The following ABCA12 variants were observed in gnomAD, a reference collection of about 807,000 sequenced individuals.
ABCA12 encodes the protein glucosylceramide transporter ABCA12.
In ABCA12, 156 loss-of-function variants were observed where a neutral mutation model predicts 293.5. That is an observed-to-expected ratio of 0.53 (90% confidence interval 0.47 to 0.61). ABCA12 has a LOEUF of 0.61. Among genes scored for constraint, ABCA12 ranks in the 20% least tolerant of loss-of-function variants. The probability of loss-of-function intolerance (pLI) is 0.00; values close to 1 mark genes in which losing one functional copy is unlikely to be tolerated. For synonymous variants in ABCA12, 1,063 were observed against 1,108.0 expected (o/e 0.96, Z 0.81); for missense variants, 2,797 against 3,090.2 (o/e 0.91, Z 2.25).
chr2:215,134,398 GTGTATATA>G lies in ABCA12; in HGVS notation c.69+3734_69+3741del, dbSNP rs1288732203. On this transcript the variant is annotated intron_variant, in intron 1 of 52. Transcript: ENST00000272895. ...TGTATATATGTACATATATGTATATGTGTATATATGTATATATGTACATATATGTATAT... is the reference window on the plus strand; with the variant it reads ...TGTATATATGTACATATATGTATATGTGTATATATGTACATATATGTATAT... Among the ~76,000 whole-genome samples the G allele has an allele frequency of 2.6e-3, 370 of 143,166 alleles. 6 individuals carry two copies. Among genetic ancestry groups the G allele is most frequent in the African/African-American group, 8.9e-3 (339 of 38,150 alleles). The allele number at this position is 143,166 out of a possible 152,430, so 93.9% of individuals were successfully genotyped here.
At chr2:215,078,835 T>C (rs997509585) in intron 2 of ABCA12, among the ~76,000 whole-genome samples, 2 of 152,200 alleles carry the variant, frequency 1.3e-5, no homozygotes, top group Non-Finnish European at 2.9e-5. Flanking sequence ...TCTAAATTAA[T>C]ACAATACCTT....
chr2:215,055,749 T>C (rs1359489494), intron 3 of ABCA12, among the ~76,000 whole-genome samples: 1 of 152,034 alleles, frequency 6.6e-6, no homozygotes, highest in African/African-American at 2.4e-5. Flanking sequence ...CTAGTGTTTT[T>C]CCAATATTCT....
Position 214,978,320 on chromosome 2 carries a change from T to C in ABCA12, c.5124A>G (p.Arg1708=). 1 of 1,614,034 alleles carries C rather than the reference T, an allele frequency of 6.2e-7. No homozygotes were observed. The highest frequency in any genetic ancestry group is 8.5e-7 in the Non-Finnish European group (1 of 1,179,946). ...LSVSSSNFTD[R]DDKILTRGER... is the part of the protein sequence containing the mutation. ...ATATCCACATTAGATTCATACCATC[T>C]CTGTCTGTGAAATTGCTGCTGCTCA... Residue 1708 remains arginine (R), a synonymous_variant, in exon 33 of 53, where the codon AGA becomes AGG. Transcript: ENST00000272895.
At chr2:215,027,801 T>C (rs1264386735) in intron 9 of ABCA12, among the ~76,000 whole-genome samples, 1 of 152,212 alleles carries the variant, frequency 6.6e-6, no homozygotes, top group Admixed American at 6.5e-5. Flanking sequence ...TTTGAATTCA[T>C]TTAATTTTGA....
chr2:215,097,105 T>A (rs1379095414), intron 2 of ABCA12, among the ~76,000 whole-genome samples: 1 of 152,000 alleles, frequency 6.6e-6, no homozygotes, highest in Non-Finnish European at 1.5e-5. Flanking sequence ...GGTGTAGGAG[T>A]GAAAACTAAC....
chr2:215,024,599 T>C (rs1700699499), intron 11 of ABCA12, among the ~76,000 whole-genome samples: 1 of 152,240 alleles, frequency 6.6e-6, no homozygotes, highest in Non-Finnish European at 1.5e-5. Context: ...GAAATTTTGA[T>C]GCATGTAGAA....
At chr2:215,085,686 G>A (rs1046374335) in intron 2 of ABCA12, among the ~76,000 whole-genome samples, 2 of 152,098 alleles carry the variant, frequency 1.3e-5, no homozygotes, top group East Asian at 1.9e-4. Context: ...TCCATAACAT[G>A]GGATGTCATT....
At chr2:214,951,114 T>C (rs754060361) in intron 44 of ABCA12, 31 bp from the exon 45 acceptor site, 52 of 1,587,494 alleles carry the variant, frequency 3.3e-5, no homozygotes, top group Non-Finnish European at 4.3e-5. Context: ...TTTACGTCAA[T>C]GATTTTGAAA....
intron 2 of ABCA12, among the ~76,000 whole-genome samples, chr2:215,109,421 C>T (rs543379332): frequency 6.2e-4 from 94 of 152,232 alleles, no homozygotes; most frequent in African/African-American, 2.2e-3. Context: ...CTTGTAATAA[C>T]AAACCAAAAA....
rs1000283456 is a variant in ABCA12, at chr2:214,997,830, G to A, written c.3180-21C>T. 2.0e-6 allele frequency: 3 copies of A among 1,506,456 alleles called. No homozygotes were observed. The African/African-American group carries it at 4.1e-5, about 21-fold the overall frequency. The allele number at this position is 1,506,456 out of a possible 1,614,324, so 93.3% of individuals were successfully genotyped here. ...GGAAGCTGTAAAACAAACAAAAAAAGAAAAATTCAGCGACCAAAATGAACA... is the reference window on the plus strand; with the variant it reads ...GGAAGCTGTAAAACAAACAAAAAAAAAAAAATTCAGCGACCAAAATGAACA... On this transcript the variant is annotated intron_variant, in intron 22 of 52. Coordinates refer to ENST00000272895, the MANE Select transcript of ABCA12 (RefSeq NM_173076.3).
At chr2:214,945,128 A>T in intron 48 of ABCA12, 24 bp from the exon 49 acceptor site, 1 of 1,570,474 alleles carries the variant, frequency 6.4e-7, no homozygotes, top group Non-Finnish European at 8.7e-7. Flanking sequence ...TACAACAAAA[A>T]TTTATCAAAT....
chr2:215,086,774 T>G (rs2106101381), intron 2 of ABCA12, among the ~76,000 whole-genome samples: 1 of 152,284 alleles, frequency 6.6e-6, no homozygotes. Flanking sequence ...TGAGCAGGTT[T>G]GTGTGACTGC....
intron 9 of ABCA12, chr2:215,028,922 G>C (rs5018103): frequency 0.76 from 114,918 of 152,154 alleles, 47,257 homozygotes; most frequent in East Asian, 0.95. Flanking sequence ...AGAATGTTGA[G>C]GGTAGTGGGA....
At chr2:215,006,441 T>C (rs1700253334) in intron 19 of ABCA12, among the ~76,000 whole-genome samples, 1 of 152,166 alleles carries the variant, frequency 6.6e-6, no homozygotes, top group Non-Finnish European at 1.5e-5. Context: ...GTTTATGTTA[T>C]TAAATATATT....
Position 215,005,802 on chromosome 2 carries a change from T to G in ABCA12, c.2593-1503A>C, listed in dbSNP as rs1383705019. Reference sequence around the variant, plus strand: ...GATTTGATCAATACTAATCCATGCATGTAGCAAAATTGCGTTTGTATCACA... The same window carrying G: ...GATTTGATCAATACTAATCCATGCAGGTAGCAAAATTGCGTTTGTATCACA... On this transcript the variant is annotated intron_variant, in intron 19 of 52. Transcript: ENST00000272895. Among the ~76,000 whole-genome samples the G allele has an allele frequency of 2.6e-5, 4 of 152,360 alleles. No homozygotes were observed. In the South Asian group the frequency reaches 8.3e-4, roughly 32 times the overall value.
At position 215,056,728 on chromosome 2, in the gene ABCA12, T is replaced by C. The variant is rs1489611655; in HGVS notation, c.318-2064A>G. Among the ~76,000 whole-genome samples the C allele has an allele frequency of 3.9e-5, 6 of 152,056 alleles. 1 individual carries two copies. The highest frequency in any genetic ancestry group is 3.3e-4 in the Admixed American group (5 of 15,240). On this transcript the variant is annotated intron_variant, in intron 3 of 52. Coordinates refer to ENST00000272895, the MANE Select transcript of ABCA12 (RefSeq NM_173076.3). ...CAGAGTATGTGCATAAAAAGATGAATTAATGCTGTAAATTGAAACACAGCT... is the reference window on the plus strand; with the variant it reads ...CAGAGTATGTGCATAAAAAGATGAACTAATGCTGTAAATTGAAACACAGCT...
At chr2:215,138,054 G>A in intron 1 of ABCA12, 86 bp downstream of exon 1, 1 of 1,350,386 alleles carries the variant, frequency 7.4e-7, no homozygotes, top group South Asian at 1.2e-5. Flanking sequence ...AAACTCTTCT[G>A]TTTTCACTTC....
intron 9 of ABCA12, chr2:215,030,342 C>T (rs1700844615): frequency 6.6e-6 from 1 of 152,114 alleles, no homozygotes; most frequent in Non-Finnish European, 1.5e-5. Context: ...CGCCTGTGAT[C>T]CTAGCACTTT....
chr2:215,134,476 G>GTA (rs1212641583), intron 1 of ABCA12, among the ~76,000 whole-genome samples: 1 of 118,072 alleles, frequency 8.5e-6, no homozygotes, highest in Admixed American at 8.7e-5. Flanking sequence ...ATGTGTATGT[G>GTA]TATATATACG....
Sources: allele counts gnomAD v4.1 joint callset (sites outside exome capture counted in the v4.1 genomes callset), GRCh38; gene constraint gnomAD v4.1.1; transcripts MANE v1.5; gene names NCBI Gene and HGNC (gene_info 2026-07-23, HGNC 2026-07-21).